Variants in R3HCC1L observed in about 807,000 individuals in gnomAD.
R3HCC1L encodes coiled-coil domain-containing protein R3HCC1L.
R3HCC1L carries 51 observed loss-of-function variants against 59.9 expected under a neutral mutation model. The observed-to-expected ratio is 0.85, with a 90% confidence interval of 0.68 to 1.07. R3HCC1L has a LOEUF of 1.07. R3HCC1L is among the 50% of genes least tolerant of loss of function. The pLI, the probability that R3HCC1L is intolerant of heterozygous loss-of-function variation, is 0.00. For synonymous variants in R3HCC1L, 322 were observed against 315.2 expected, an observed-to-expected ratio of 1.02 and a Z score of -0.23; for missense variants, 965 against 933.0, an observed-to-expected ratio of 1.03 and a Z score of -0.45.
rs1564700090 is a variant in R3HCC1L, at chr10:98,209,319, CTGA to C, written c.1209_1211del (p.Asp403del). On this transcript the variant is annotated inframe_deletion, in exon 5 of 10. Coordinates refer to ENST00000298999, the MANE Select transcript of R3HCC1L (RefSeq NM_001351015.2). ...CCTTATGTAGTTGCAGTTAGAATAG[CTGA>C]TGAGACCTCTATTAATACACGAAGT... The C allele has an allele frequency of 6.2e-7, 1 of 1,613,910 alleles. No individual in the cohort carries two copies. The highest frequency in any genetic ancestry group is 8.5e-7 in the Non-Finnish European group (1 of 1,179,908).
intron 1 of R3HCC1L, among the ~76,000 whole-genome samples, chr10:98,154,271 G>T (rs184858461): frequency 6.6e-6 from 1 of 151,632 alleles, no homozygotes; most frequent in Non-Finnish European, 1.5e-5. Flanking sequence ...ATTGTGGGGA[G>T]CCTCCCATTG....
chr10:98,215,749 G>T (rs1854119689), intron 5 of R3HCC1L, among the ~76,000 whole-genome samples: 1 of 152,158 alleles, frequency 6.6e-6, no homozygotes, highest in South Asian at 2.1e-4. Context: ...ATACACATGT[G>T]CAGGAAGCAA....
At chr10:98,146,002 A>T (rs1340123892) in intron 1 of R3HCC1L, among the ~76,000 whole-genome samples, 2 of 152,196 alleles carry the variant, frequency 1.3e-5, no homozygotes, top group African/African-American at 4.8e-5. Context: ...CCTTGTCCCC[A>T]AAAGAATATG....
chr10:98,183,269 C>CTT (rs990553869), intron 4 of R3HCC1L, among the ~76,000 whole-genome samples: 4 of 149,550 alleles, frequency 2.7e-5, no homozygotes, highest in Non-Finnish European at 5.9e-5. Context: ...TCTTTCAGCA[C>CTT]TTTAGTGGTG....
chr10:98,166,084 C>T (rs1418540893), intron 4 of R3HCC1L, among the ~76,000 whole-genome samples: 1 of 152,192 alleles, frequency 6.6e-6, no homozygotes, highest in Non-Finnish European at 1.5e-5. Flanking sequence ...GCAGGAGAAT[C>T]ACTTGAACCC....
intron 8 of R3HCC1L, 96 bp downstream of exon 8, chr10:98,235,616 C>A (rs963650756): frequency 1.1e-6 from 1 of 904,706 alleles, no homozygotes; most frequent in East Asian, 2.8e-5. Flanking sequence ...AGACATATCA[C>A]TTTTATTTTT....
intron 4 of R3HCC1L, among the ~76,000 whole-genome samples, chr10:98,200,404 A>G (rs558280311): frequency 7.9e-5 from 12 of 152,248 alleles, no homozygotes; most frequent in East Asian, 1.9e-4. Context: ...TCCGTCTGCA[A>G]ACTTGTAACT....
intron 5 of R3HCC1L, among the ~76,000 whole-genome samples, chr10:98,218,175 A>G (rs554161951): frequency 6.6e-6 from 1 of 152,052 alleles, no homozygotes; most frequent in African/African-American, 2.4e-5. Flanking sequence ...ATGTTGAGGT[A>G]TGTTTCTTCT....
At chr10:98,223,340 C>A (rs1855277233) in intron 5 of R3HCC1L, among the ~76,000 whole-genome samples, 1 of 152,106 alleles carries the variant, frequency 6.6e-6, no homozygotes, top group South Asian at 2.1e-4. Flanking sequence ...GCTTATCCAC[C>A]ATGATCAAGT....
chr10:98,224,765 C>G (rs956623647), intron 5 of R3HCC1L, among the ~76,000 whole-genome samples: 2 of 152,180 alleles, frequency 1.3e-5, no homozygotes, highest in African/African-American at 4.8e-5. Context: ...TAAACGTCTA[C>G]CATCTGTTTT....
At chr10:98,182,730 C>T (rs1033675925) in intron 4 of R3HCC1L, among the ~76,000 whole-genome samples, 2 of 152,190 alleles carry the variant, frequency 1.3e-5, no homozygotes, top group African/African-American at 4.8e-5. Flanking sequence ...TTTACCTCCT[C>T]AAGCCTCGGC....
chr10:98,169,586 CAG>C (rs1205246636), intron 4 of R3HCC1L, among the ~76,000 whole-genome samples: 1 of 152,168 alleles, frequency 6.6e-6, no homozygotes, highest in African/African-American at 2.4e-5. Context: ...TGTAATGAAA[CAG>C]AAAACACAAT....
intron 2 of R3HCC1L, among the ~76,000 whole-genome samples, chr10:98,156,921 T>C (rs1846941356): frequency 6.6e-6 from 1 of 152,232 alleles, no homozygotes; most frequent in Non-Finnish European, 1.5e-5. Flanking sequence ...CTCAATCTTC[T>C]AGTAACTTTC....
intron 1 of R3HCC1L, among the ~76,000 whole-genome samples, chr10:98,151,913 T>C (rs1259861697): frequency 6.6e-6 from 1 of 152,132 alleles, no homozygotes; most frequent in African/African-American, 2.4e-5. Context: ...TCGCTCTCTC[T>C]CTCTCCCTCT....
At chr10:98,158,666 A>G (rs1433811241) in intron 2 of R3HCC1L, among the ~76,000 whole-genome samples, 1 of 152,216 alleles carries the variant, frequency 6.6e-6, no homozygotes, top group Non-Finnish European at 1.5e-5. Context: ...AATATTAATT[A>G]AGTAACCTAC....
At chr10:98,143,350 CAG>C in intron 1 of R3HCC1L, among the ~76,000 whole-genome samples, 1 of 152,328 alleles carries the variant, frequency 6.6e-6, no homozygotes, top group African/African-American at 2.4e-5. Flanking sequence ...TCAATACGTT[CAG>C]AATTTCTAGT....
At chr10:98,188,267 G>A (rs866397331) in intron 4 of R3HCC1L, among the ~76,000 whole-genome samples, 13 of 152,184 alleles carry the variant, frequency 8.5e-5, no homozygotes, top group Middle Eastern at 3.2e-3. Flanking sequence ...CTTTCAAGGA[G>A]TTGTAGGTAT....
chr10:98,179,643 A>G (rs1849425615), intron 4 of R3HCC1L, among the ~76,000 whole-genome samples: 1 of 152,008 alleles, frequency 6.6e-6, no homozygotes, highest in Non-Finnish European at 1.5e-5. Context: ...GAATGGTACC[A>G]GCTCCCCTTT....
In R3HCC1L at chr10:98,244,211, CT is replaced by C; in HGVS notation, c.*55del. On this transcript the variant is annotated 3_prime_UTR_variant, in exon 10 of 10. Transcript: ENST00000298999. ...ATGAATCAGAAAATGTTTCCATAGC[CT>C]TCAGATAAGATGATCCTTCCAGAGC... 2 of 1,533,754 alleles carry C rather than the reference CT, an allele frequency of 1.3e-6. No individual in the cohort carries two copies. Among genetic ancestry groups the C allele is most frequent in the Non-Finnish European group, 1.8e-6 (2 of 1,108,282 alleles).
Sources: allele counts gnomAD v4.1 joint callset (sites outside exome capture counted in the v4.1 genomes callset), GRCh38; gene constraint gnomAD v4.1.1; transcripts MANE v1.5; gene names NCBI Gene and HGNC (gene_info 2026-07-23, HGNC 2026-07-21).